CCSER1: variants seen among roughly 807,000 people sequenced by gnomAD.
The protein encoded by CCSER1 is coiled-coil serine rich protein 1.
A neutral mutation model predicts 82.0 loss-of-function variants in CCSER1; 41 were observed. That is an observed-to-expected ratio of 0.50 (90% CI 0.39 to 0.65). The LOEUF (loss-of-function observed/expected upper bound fraction) is 0.65, where lower values mean the gene tolerates loss of function less well. Ranked by LOEUF, CCSER1 falls within the 30% of genes least tolerant of loss-of-function variation. The pLI is 0.00. For missense variants in CCSER1, 1,119 were observed against 1,064.2 expected, an observed-to-expected ratio of 1.05 and a Z score of -0.72; for synonymous variants, 414 against 383.9, an observed-to-expected ratio of 1.08 and a Z score of -0.92.
intron 8 of CCSER1, among the ~76,000 whole-genome samples, chr4:90,919,337 G>C (rs1260656385): frequency 4.6e-5 from 7 of 151,724 alleles, no homozygotes; most frequent in Admixed American, 3.3e-4. Context: ...AATAAAAAAG[G>C]TTTTCATCTG....
chr4:90,433,823 A>C (rs1758633950), intron 4 of CCSER1, among the ~76,000 whole-genome samples: 1 of 151,858 alleles, frequency 6.6e-6, no homozygotes, highest in Admixed American at 6.6e-5. Context: ...AGCACATATA[A>C]TGGTATTTTT....
intron 10 of CCSER1, among the ~76,000 whole-genome samples, chr4:91,549,840 A>G (rs1052751628): frequency 1.3e-5 from 2 of 152,110 alleles, no homozygotes; most frequent in Admixed American, 6.6e-5. Context: ...GTCTCAAAAA[A>G]ATAAATGAGC....
chr4:90,241,794 G>T lies in CCSER1; in HGVS notation c.-41-66450G>T, dbSNP rs187534660. Among the ~76,000 whole-genome samples, 12 of 152,198 alleles carry T rather than the reference G, an allele frequency of 7.9e-5. No individual in the cohort carries two copies. In the East Asian group the frequency reaches 1.7e-3, roughly 22 times the overall value. On this transcript the variant is annotated intron_variant, in intron 1 of 10. Coordinates refer to ENST00000509176, the MANE Select transcript of CCSER1 (RefSeq NM_001145065.2). ...TTAACATTGAGAAACTAATACTTAA[G>T]TACAAATGGTTTAATTGTAATATGG...
chr4:91,146,422 C>G (rs941691907), intron 10 of CCSER1, among the ~76,000 whole-genome samples: 53 of 152,198 alleles, frequency 3.5e-4, no homozygotes, highest in African/African-American at 1.3e-3. Context: ...TTATGTCTGT[C>G]ATTTCAGACA....
At chr4:90,141,020 ATATCTATCTATC>A (rs60163485) in intron 1 of CCSER1, among the ~76,000 whole-genome samples, 18 of 145,984 alleles carry the variant, frequency 1.2e-4, no homozygotes, top group South Asian at 4.5e-4. Flanking sequence ...ACCCAGCAAG[ATATCTATCTATC>A]TATCTATCTA....
chr4:90,610,236 G>A (rs1785272954), intron 5 of CCSER1, among the ~76,000 whole-genome samples: 1 of 149,478 alleles, frequency 6.7e-6, no homozygotes, highest in Admixed American at 6.8e-5. Context: ...CTGGGCGACA[G>A]AACAAGACTC....
intron 7 of CCSER1, among the ~76,000 whole-genome samples, chr4:90,743,791 T>C (rs1746941815): frequency 1.3e-5 from 2 of 152,152 alleles, no homozygotes; most frequent in Admixed American, 1.3e-4. Context: ...AATGGAGCCA[T>C]GTCAGTTACC....
intron 10 of CCSER1, among the ~76,000 whole-genome samples, chr4:91,412,105 G>T (rs1013353348): frequency 1.3e-5 from 2 of 152,158 alleles, no homozygotes; most frequent in African/African-American, 4.8e-5. Context: ...CTCCAGTGGA[G>T]CCTAAGCCCT....
At chr4:90,989,755 C>G (rs567842224) in intron 9 of CCSER1, among the ~76,000 whole-genome samples, 1 of 151,676 alleles carries the variant, frequency 6.6e-6, no homozygotes, top group South Asian at 2.1e-4. Flanking sequence ...CAAAAGCTCC[C>G]TGAGTGACTC....
intron 10 of CCSER1, among the ~76,000 whole-genome samples, chr4:91,561,414 C>G (rs932981970): frequency 6.6e-6 from 1 of 151,400 alleles, no homozygotes; most frequent in Admixed American, 6.6e-5. Context: ...TGGGCTGCCT[C>G]TACTCATGAT....
intron 3 of CCSER1, among the ~76,000 whole-genome samples, chr4:90,380,801 C>T (rs1486451002): frequency 6.6e-6 from 1 of 152,082 alleles, no homozygotes; most frequent in Non-Finnish European, 1.5e-5. Flanking sequence ...GAATGACCTC[C>T]TTAGGGACAG....
At chr4:90,819,683 C>A (rs17187951) in intron 8 of CCSER1, among the ~76,000 whole-genome samples, 19 of 151,908 alleles carry the variant, frequency 1.3e-4, no homozygotes, top group African/African-American at 3.6e-4. Context: ...TATTTTATAG[C>A]CACACTTCCA....
At chr4:91,199,902 C>G (rs557232795) in intron 10 of CCSER1, among the ~76,000 whole-genome samples, 1 of 151,198 alleles carries the variant, frequency 6.6e-6, no homozygotes, top group East Asian at 1.9e-4. Flanking sequence ...TTCAAGTCAG[C>G]CTAAAATCTT....
intron 5 of CCSER1, among the ~76,000 whole-genome samples, chr4:90,483,860 C>T (rs1165979181): frequency 6.6e-6 from 1 of 152,086 alleles, no homozygotes; most frequent in African/African-American, 2.4e-5. Flanking sequence ...CTTGGAGTTG[C>T]TCTTCTTGTG....
intron 3 of CCSER1, among the ~76,000 whole-genome samples, chr4:90,388,138 G>A (rs1191885106): frequency 6.6e-6 from 1 of 152,164 alleles, no homozygotes; most frequent in Non-Finnish European, 1.5e-5. Context: ...TTATGGAAAA[G>A]CATGAAGGAG....
intron 9 of CCSER1, among the ~76,000 whole-genome samples, chr4:90,957,546 AT>A (rs1190488682): frequency 4.4e-5 from 4 of 90,282 alleles, no homozygotes; most frequent in Non-Finnish European, 6.8e-5. Flanking sequence ...ATATTATATA[AT>A]TATATTATAT....
intron 5 of CCSER1, among the ~76,000 whole-genome samples, chr4:90,567,367 T>A (rs1360051527): frequency 6.6e-6 from 1 of 151,514 alleles, no homozygotes; most frequent in Non-Finnish European, 1.5e-5. Context: ...CTCGGCTCAC[T>A]GCAACCTCCG....
intron 3 of CCSER1, among the ~76,000 whole-genome samples, chr4:90,365,341 A>G (rs954091634): frequency 2.0e-5 from 3 of 151,822 alleles, no homozygotes; most frequent in African/African-American, 7.2e-5. Flanking sequence ...CTAATACCAT[A>G]TTTACATATG....
intron 7 of CCSER1, among the ~76,000 whole-genome samples, chr4:90,812,314 G>A (rs1267733778): frequency 6.6e-6 from 1 of 152,128 alleles, no homozygotes; most frequent in African/African-American, 2.4e-5. Context: ...ATTGGCAACA[G>A]CCTCACAGAC....
Sources: allele counts gnomAD v4.1 joint callset (sites outside exome capture counted in the v4.1 genomes callset), GRCh38; gene constraint gnomAD v4.1.1; transcripts MANE v1.5; gene names NCBI Gene and HGNC (gene_info 2026-07-23, HGNC 2026-07-21).